Variants in FIBCD1 observed in about 807,000 individuals in gnomAD.
FIBCD1 encodes fibrinogen C domain-containing protein 1.
Under a neutral mutation model 45.1 loss-of-function variants are expected in FIBCD1, and 47 were observed. The observed-to-expected ratio is 1.04, with a 90% confidence interval of 0.82 to 1.33. FIBCD1 has a LOEUF of 1.33. Among genes scored for constraint, FIBCD1 ranks in the 40% most tolerant of loss-of-function variants. The pLI, the probability that FIBCD1 is intolerant of heterozygous loss-of-function variation, is 0.00. For missense variants in FIBCD1, 653 were observed against 682.2 expected (o/e 0.96, Z 0.48); for synonymous variants, 313 against 308.1 (o/e 1.02, Z -0.17).
rs755664572 is a variant in FIBCD1, at chr9:130,922,277, C to T, written c.849+1467G>A. Among the ~76,000 whole-genome samples, 44 of 152,086 alleles carry T rather than the reference C, an allele frequency of 2.9e-4. No individual in the cohort carries two copies. Among genetic ancestry groups the T allele is most frequent in the Non-Finnish European group, 5.4e-4 (37 of 68,028 alleles). On this transcript the variant is annotated intron_variant, in intron 4 of 6. Coordinates refer to ENST00000372338, the MANE Select transcript of FIBCD1 (RefSeq NM_032843.5). The surrounding 1 kb of genome is among the most constrained non-coding windows in gnomAD (Gnocchi z 4.5). ...GGTGGGGTTCTCACCGGCCCACCCC[C>T]GGGCCTGGTCTGGGGTCTCTGTTCC...
chr9:130,925,398 G>A (rs1049390617), intron 2 of FIBCD1, among the ~76,000 whole-genome samples: 1 of 152,176 alleles, frequency 6.6e-6, no homozygotes, highest in Non-Finnish European at 1.5e-5. Context: ...TCAGGGTGGG[G>A]ACGGGGCGGT....
At chr9:130,904,436 C>A in intron 6 of FIBCD1, 113 bp from the exon 7 acceptor site, 1 of 1,420,388 alleles carries the variant, frequency 7.0e-7, no homozygotes, top group Non-Finnish European at 9.5e-7. Flanking sequence ...TGAGTGCATA[C>A]ACGTACGCAC....
chr9:130,933,233 G>C (rs965892187), intron 1 of FIBCD1, among the ~76,000 whole-genome samples: 21 of 152,216 alleles, frequency 1.4e-4, no homozygotes, highest in African/African-American at 5.1e-4. Flanking sequence ...ATGGGCTGCC[G>C]TTTACGTGCC....
At chr9:130,936,182 C>G (rs1386891260) in intron 1 of FIBCD1, 2 of 152,324 alleles carry the variant, frequency 1.3e-5, no homozygotes, top group Admixed American at 6.5e-5. Flanking sequence ...GATGGTGAAG[C>G]CCAGGCCCAG....
rs1324690892 is a variant in FIBCD1, at chr9:130,926,179, A to T, written c.553-1783T>A. Reference sequence around the variant, plus strand: ...GGCCGCCGTGCGATGTGTGTGCGGCAAACATCACTTGGTTAAGTCACACTG... The same window carrying T: ...GGCCGCCGTGCGATGTGTGTGCGGCTAACATCACTTGGTTAAGTCACACTG... On this transcript the variant is annotated intron_variant, in intron 2 of 6. Transcript: ENST00000372338. The surrounding 1 kb of genome is among the most constrained non-coding windows in gnomAD (Gnocchi z 4.1). Among the ~76,000 whole-genome samples, 1 of 152,224 alleles carries T rather than the reference A, an allele frequency of 6.6e-6. No individual in the cohort carries two copies. The highest frequency in any genetic ancestry group is 2.4e-5 in the African/African-American group (1 of 41,460).
rs1381480062 is a variant in FIBCD1, at chr9:130,929,611, G to A, written c.508C>T (p.Gln170Ter). 7.2e-6 allele frequency: 11 copies of A among 1,529,424 alleles called. No homozygotes were observed. The highest frequency in any genetic ancestry group is 9.6e-6 in the Non-Finnish European group (11 of 1,141,212). 94.7% of individuals were successfully genotyped at this position (1,529,424 alleles called of 1,614,324 possible). Residue 170 changes from glutamine to a stop codon, truncating the protein, a stop_gained, in exon 2 of 7, where the codon CAG becomes TAG. Coordinates refer to ENST00000372338, the MANE Select transcript of FIBCD1 (RefSeq NM_032843.5). LOFTEE classifies it high-confidence loss of function. Reference sequence around the variant, plus strand: ...TCACTCTGCAGGGCGCTGAGGCCCTGGCCCAGCGTGCCATGCCCCTTCCGC... The same window carrying A: ...TCACTCTGCAGGGCGCTGAGGCCCTAGCCCAGCGTGCCATGCCCCTTCCGC... ...GLRKGHGTLG[Q>*]GLSALQSEQG...
chr9:130,904,521 C>T (rs187204501), intron 6 of FIBCD1, among the ~76,000 whole-genome samples, 198 bp from the exon 7 acceptor site: 99 of 151,432 alleles, frequency 6.5e-4, no homozygotes, highest in Admixed American at 1.5e-3. Context: ...CCATGCAGCT[C>T]ACACGCACGC....
At chr9:130,921,851 A>G (rs55987823) in intron 4 of FIBCD1, among the ~76,000 whole-genome samples, 32 of 152,218 alleles carry the variant, frequency 2.1e-4, no homozygotes, top group Non-Finnish European at 2.8e-4. Context: ...ACATTTTTAA[A>G]AGCTCTCCTC....
At chr9:130,912,428 C>T (rs530885681) in intron 4 of FIBCD1, among the ~76,000 whole-genome samples, 141 of 144,080 alleles carry the variant, frequency 9.8e-4, no homozygotes, top group African/African-American at 3.6e-3. Context: ...TGGGGTGGGC[C>T]GGGCACGGTG....
At chr9:130,911,693 C>G (rs1169459504) in intron 5 of FIBCD1, 99 bp downstream of exon 5, 3 of 1,119,902 alleles carry the variant, frequency 2.7e-6, no homozygotes, top group African/African-American at 3.1e-5. Flanking sequence ...GCCAGGGAAA[C>G]CCAGCCCAAA....
At position 130,902,803 on chromosome 9, in the gene FIBCD1, T is replaced by G. The variant is rs1468820764; in HGVS notation, c.*1261A>C. 6.6e-6 allele frequency: 1 copy of G among 152,224 alleles called. No homozygotes were observed. The allele number at this position is 152,224 out of a possible 1,614,324, so 9.4% of individuals were successfully genotyped here. ...TGAGGACCCGGCTCCAGCCCTGCCC[T>G]TGTGGCTGCTGGTCCTGGGAGCCTG... is the stretch of plus-strand genomic sequence containing the variant. On this transcript the variant is annotated 3_prime_UTR_variant, in exon 7 of 7. Transcript: ENST00000372338.
chr9:130,912,134 G>A (rs930748857), intron 4 of FIBCD1, among the ~76,000 whole-genome samples: 1 of 152,078 alleles, frequency 6.6e-6, no homozygotes, highest in African/African-American at 2.4e-5. Context: ...CCCCAAGACG[G>A]CTCCTCAGGG....
intron 3 of FIBCD1, 42 bp from the exon 4 acceptor site, chr9:130,923,922 C>T (rs1218381069): frequency 1.4e-5 from 22 of 1,610,168 alleles, no homozygotes; most frequent in Admixed American, 1.7e-5. Context: ...GGCCCCAGCA[C>T]GTTCCTGCCC....
chr9:130,904,532 A>G (rs898202617), intron 6 of FIBCD1, among the ~76,000 whole-genome samples: 3 of 152,156 alleles, frequency 2.0e-5, no homozygotes, highest in African/African-American at 7.2e-5. Context: ...ACACGCACGC[A>G]GTCCCTTCTC....
upstream of FIBCD1, among the ~76,000 whole-genome samples, chr9:130,939,773 C>G (rs1832588496): frequency 6.6e-6 from 1 of 152,200 alleles, no homozygotes; most frequent in Non-Finnish European, 1.5e-5. Flanking sequence ...CCCCTTCCCA[C>G]CAGCAGCACT....
intron 4 of FIBCD1, among the ~76,000 whole-genome samples, chr9:130,921,324 C>T (rs1248382791): frequency 1.3e-5 from 2 of 152,250 alleles, no homozygotes; most frequent in East Asian, 3.8e-4. Context: ...CAGCTCCTTC[C>T]CAAACAAAAA....
chr9:130,920,619 G>A (rs1352057812), intron 4 of FIBCD1, among the ~76,000 whole-genome samples: 1 of 152,072 alleles, frequency 6.6e-6, no homozygotes, highest in Non-Finnish European at 1.5e-5. Context: ...TGACACGGAA[G>A]GGCAGGACCT....
At chr9:130,924,149 C>A in intron 3 of FIBCD1, 88 bp downstream of exon 3, 4 of 1,446,378 alleles carry the variant, frequency 2.8e-6, no homozygotes, top group Non-Finnish European at 3.6e-6. Flanking sequence ...CCTGGAGTCT[C>A]ATGGCTGGGG....
At chr9:130,908,828 A>T (rs952480010) in intron 5 of FIBCD1, among the ~76,000 whole-genome samples, 2 of 152,078 alleles carry the variant, frequency 1.3e-5, no homozygotes, top group South Asian at 4.1e-4. Flanking sequence ...GGCAGGTCAG[A>T]GAGGGCCCTG....
Sources: gnomAD v4.1 joint callset for allele counts (sites outside exome capture counted in the v4.1 genomes callset) on GRCh38, gnomAD v4.1.1 for gene constraint, Gnocchi (gnomAD v3.1) non-coding constraint, MANE v1.5 for transcripts, NCBI Gene and HGNC (gene_info 2026-07-23, HGNC 2026-07-21) for gene names.